Variants in MRPL39 observed in about 807,000 individuals in gnomAD.
The protein encoded by MRPL39 is large ribosomal subunit protein mL39.
A neutral mutation model predicts 44.5 loss-of-function variants in MRPL39; 35 were observed. The ratio of observed to expected loss-of-function variants is 0.79; its 90% confidence interval spans 0.60 to 1.04. The LOEUF is 1.04. Ranked by LOEUF, MRPL39 falls within the 50% of genes least tolerant of loss-of-function variation. The pLI is 0.00. For synonymous variants in MRPL39, 139 were observed against 136.1 expected, an observed-to-expected ratio of 1.02 and a Z score of -0.15; for missense variants, 433 against 413.5, an observed-to-expected ratio of 1.05 and a Z score of -0.41.
intron 9 of MRPL39, chr21:25,587,561 G>T: frequency 1.5e-6 from 1 of 679,950 alleles, no homozygotes; most frequent in Non-Finnish European, 2.5e-6. Flanking sequence ...CAAAATTTGG[G>T]CTTACACAAA....
At chr21:25,586,592 A>T (rs2123219640) in intron 9 of MRPL39, among the ~76,000 whole-genome samples, 1 of 152,318 alleles carries the variant, frequency 6.6e-6, no homozygotes, top group East Asian at 1.9e-4. Flanking sequence ...CAAGTTCCAC[A>T]ACACGGGACA....
At chr21:25,602,373 G>A (rs150628023) in intron 3 of MRPL39, among the ~76,000 whole-genome samples, 73 of 152,166 alleles carry the variant, frequency 4.8e-4, no homozygotes, top group African/African-American at 1.5e-3. Flanking sequence ...TTTATTCATC[G>A]GGAAAATGGG....
Position 25,606,608 on chromosome 21 carries a change from T to C in MRPL39, c.121A>G (p.Thr41Ala). The change falls in exon 2 of 10, where the codon ACA becomes GCA. Residue 41 changes from threonine to alanine, a missense_variant. Physicochemically the swap from Thr to Ala is moderately conservative, Grantham distance 58 (BLOSUM62 0). Coordinates refer to ENST00000352957, the MANE Select transcript of MRPL39 (RefSeq NM_017446.4). ...TTAAAGAGATCATTCCGCATTTCTG[T>C]CAATTCTGTCGGTGACAGCTGAGAA... Reference protein sequence around the residue: ...SASQLSPTELTEMRNDLFNKE... With the variant: ...SASQLSPTELAEMRNDLFNKE... 6.2e-7 allele frequency: 1 copy of C among 1,614,044 alleles called. No individual in the cohort carries two copies. The highest frequency in any genetic ancestry group is 8.5e-7 in the Non-Finnish European group (1 of 1,179,892).
At chr21:25,588,119 G>C (rs1212445804) in intron 9 of MRPL39, among the ~76,000 whole-genome samples, 1 of 152,110 alleles carries the variant, frequency 6.6e-6, no homozygotes, top group Non-Finnish European at 1.5e-5. Flanking sequence ...AGACCATCCT[G>C]GCTAACACGG....
intron 3 of MRPL39, among the ~76,000 whole-genome samples, chr21:25,602,236 T>A (rs986218805): frequency 2.0e-5 from 3 of 152,246 alleles, no homozygotes; most frequent in Non-Finnish European, 2.9e-5. Flanking sequence ...TACTTCTTCA[T>A]CTATCCTACC....
In MRPL39 at chr21:25,593,983, ATTTT is replaced by A. The variant is rs747707293; in HGVS notation, c.702-29_702-26del. 3.1e-6 allele frequency: 5 copies of A among 1,596,864 alleles called. No individual in the cohort carries two copies. In the African/African-American group the frequency reaches 4.0e-5, roughly 13 times the overall value. On this transcript the variant is annotated intron_variant, in intron 6 of 9. Coordinates refer to ENST00000352957, the MANE Select transcript of MRPL39 (RefSeq NM_017446.4). ...CCTGAAAAGCAGCAAAGAAAAAAAC[ATTTT>A]TTTAACTCAAAATATGTAAAAAGGT... is the stretch of plus-strand genomic sequence containing the variant.
intron 7 of MRPL39, 112 bp downstream of exon 7, chr21:25,593,781 T>C (rs1306701913): frequency 2.3e-6 from 2 of 866,352 alleles, no homozygotes; most frequent in Non-Finnish European, 3.4e-6. Flanking sequence ...AATAAGGTAA[T>C]AAGAACAAAA....
chr21:25,599,542 T>C (rs2123246430), intron 5 of MRPL39, among the ~76,000 whole-genome samples: 1 of 152,182 alleles, frequency 6.6e-6, no homozygotes, highest in Middle Eastern at 3.4e-3. Context: ...AAGCAGAACA[T>C]AAAGTTTCAA....
At chr21:25,599,526 A>G (rs939265147) in intron 5 of MRPL39, among the ~76,000 whole-genome samples, 3 of 152,190 alleles carry the variant, frequency 2.0e-5, no homozygotes, top group Non-Finnish European at 2.9e-5. Context: ...ACATCAAGAA[A>G]AGGTCAAGCA....
chr21:25,586,492 G>C (rs1437547634), intron 9 of MRPL39, among the ~76,000 whole-genome samples: 1 of 152,092 alleles, frequency 6.6e-6, no homozygotes, highest in African/African-American at 2.4e-5. Flanking sequence ...TTTTAAACAA[G>C]AATAGCTGAT....
chr21:25,593,845 G>A (rs564181884), intron 7 of MRPL39, 48 bp downstream of exon 7: 1 of 1,502,160 alleles, frequency 6.7e-7, no homozygotes, highest in Non-Finnish European at 9.2e-7. Flanking sequence ...TAACAATAAA[G>A]CTAAGCCTTA....
intron 5 of MRPL39, among the ~76,000 whole-genome samples, chr21:25,599,066 A>C (rs148755372): frequency 6.6e-6 from 1 of 152,150 alleles, no homozygotes; most frequent in African/African-American, 2.4e-5. Flanking sequence ...GTATTTGCCT[A>C]TTCTCCCCAA....
At chr21:25,593,007 A>G (rs2031232360) in intron 7 of MRPL39, 42 bp from the exon 8 acceptor site, 1 of 1,506,730 alleles carries the variant, frequency 6.6e-7, no homozygotes, top group Non-Finnish European at 9.0e-7. Flanking sequence ...GCAACATCAA[A>G]TAATTTGTAA....
At position 25,607,463 on chromosome 21, in the gene MRPL39, C is replaced by A. The variant is rs148001367; in HGVS notation, c.13G>T (p.Ala5Ser). Reference protein sequence around the residue: MEALAMGSRALRLWL... With the variant: MEALSMGSRALRLWL... ...AGCCGCAGCGCCCGGGAACCCATGGCCAGCGCCTCCATAGCAGCGGTGAGA... is the reference window on the plus strand; with the variant it reads ...AGCCGCAGCGCCCGGGAACCCATGGACAGCGCCTCCATAGCAGCGGTGAGA... Residue 5 changes from alanine to serine, a missense_variant, in exon 1 of 10, where the codon GCC (alanine) becomes TCC (serine). Coordinates refer to ENST00000352957, the MANE Select transcript of MRPL39 (RefSeq NM_017446.4). The A allele has an allele frequency of 7.4e-5, 119 of 1,612,260 alleles. No homozygotes were observed. In the African/African-American group the frequency reaches 1.6e-3, roughly 21 times the overall value.
intron 4 of MRPL39, among the ~76,000 whole-genome samples, 179 bp from the exon 5 acceptor site, chr21:25,600,045 G>A (rs1161996311): frequency 1.3e-5 from 2 of 152,112 alleles, no homozygotes; most frequent in African/African-American, 4.8e-5. Flanking sequence ...ATTTCCCTTA[G>A]CCAAAAGATT....
chr21:25,607,310 CCGCG>C, intron 1 of MRPL39, 89 bp downstream of exon 1: 1 of 1,411,288 alleles, frequency 7.1e-7, no homozygotes, highest in Non-Finnish European at 1.0e-6. Flanking sequence ...TTCCTCTGCC[CCGCG>C]GGACCTCCCC....
At chr21:25,607,755 G>T (rs1010363803), upstream of MRPL39, among the ~76,000 whole-genome samples, 1 of 152,176 alleles carries the variant, frequency 6.6e-6, no homozygotes, top group Non-Finnish European at 1.5e-5. Context: ...CGTAGGCTCT[G>T]CAGGGAAACA....
At chr21:25,603,419 A>G (rs943057607) in intron 3 of MRPL39, among the ~76,000 whole-genome samples, 2 of 152,200 alleles carry the variant, frequency 1.3e-5, no homozygotes, top group African/African-American at 4.8e-5. Context: ...AAGTAACGAA[A>G]AAAAATAGTG....
chr21:25,592,237 G>A (rs2031200752), intron 8 of MRPL39, among the ~76,000 whole-genome samples: 1 of 152,124 alleles, frequency 6.6e-6, no homozygotes, highest in Non-Finnish European at 1.5e-5. Context: ...AGGGATCCCC[G>A]TAGTGAAGGA....
Sources: gnomAD v4.1 joint callset for allele counts (sites outside exome capture counted in the v4.1 genomes callset) on GRCh38, gnomAD v4.1.1 for gene constraint, MANE v1.5 for transcripts, NCBI Gene and HGNC (gene_info 2026-07-23, HGNC 2026-07-21) for gene names.